AMPD3: variants seen among roughly 807,000 people sequenced by gnomAD.
AMPD3 encodes the protein adenosine monophosphate deaminase 3, also known as AMP deaminase 3.
AMPD3 carries 57 observed loss-of-function variants against 82.3 expected under a neutral mutation model. That is an observed-to-expected ratio of 0.69 (90% CI 0.56 to 0.86). The LOEUF is 0.86. AMPD3 is among the 40% of genes least tolerant of loss of function. The pLI is 0.00. For missense variants in AMPD3, 870 were observed against 1,003.8 expected (o/e 0.87, Z 1.80); for synonymous variants, 381 against 394.7 (o/e 0.97, Z 0.41).
intron 3 of AMPD3, chr11:10,481,832 C>G (rs1260709827): frequency 5.1e-6 from 3 of 585,252 alleles, no homozygotes; most frequent in Non-Finnish European, 9.2e-6. Flanking sequence ...CATAGCACAT[C>G]TCAAATTCCA....
chr11:10,472,042 C>A (rs1205670213), intron 2 of AMPD3, among the ~76,000 whole-genome samples: 3 of 152,172 alleles, frequency 2.0e-5, no homozygotes, highest in Non-Finnish European at 4.4e-5. Flanking sequence ...TTGGAACCCA[C>A]CCAAATGTCC....
At position 10,467,685 on chromosome 11, in the gene AMPD3, C is replaced by T. The variant is rs182971864; in HGVS notation, c.221+5945C>T. Among the ~76,000 whole-genome samples, 63 of 152,168 alleles carry T rather than the reference C, an allele frequency of 4.1e-4. No individual in the cohort carries two copies. The East Asian group carries it at 0.011, about 26-fold the overall frequency. On this transcript the variant is annotated intron_variant, in intron 2 of 14. Transcript: ENST00000396553. ...CAGAGAACACCACAAAGATATTCCTCGAGAAGAGCAACCCCAAGACACATA... is the reference window on the plus strand; with the variant it reads ...CAGAGAACACCACAAAGATATTCCTTGAGAAGAGCAACCCCAAGACACATA...
chr11:10,466,999 A>G (rs1411520670), intron 2 of AMPD3, among the ~76,000 whole-genome samples: 1 of 151,982 alleles, frequency 6.6e-6, no homozygotes, highest in Non-Finnish European at 1.5e-5. Context: ...ATCAGAGACC[A>G]CATCCGAAAA....
intron 2 of AMPD3, among the ~76,000 whole-genome samples, chr11:10,474,300 T>G (rs1405767503): frequency 6.6e-6 from 1 of 152,056 alleles, no homozygotes; most frequent in Admixed American, 6.6e-5. Context: ...GAGAGCCTGG[T>G]GAAAGGTTGG....
In AMPD3 at chr11:10,493,504, C is replaced by T; in HGVS notation, c.1095C>T (p.Asp365=). Residue 365 remains aspartate (D), a synonymous_variant, in exon 7 of 15, where the codon GAC becomes GAT. Transcript: ENST00000396553. ...LRQVFDGLHM[D]PYDLTVDSLD... Reference sequence around the variant, plus strand: ...AGGTGTTTGACGGCCTGCACATGGACCCCTACGACCTCACTGTGGACTCAC... The same window carrying T: ...AGGTGTTTGACGGCCTGCACATGGATCCCTACGACCTCACTGTGGACTCAC... The T allele has an allele frequency of 6.2e-7, 1 of 1,614,178 alleles. No individual in the cohort carries two copies. The highest frequency in any genetic ancestry group is 8.5e-7 in the Non-Finnish European group (1 of 1,180,026).
intron 4 of AMPD3, chr11:10,484,599 G>T: frequency 1.3e-6 from 1 of 771,174 alleles, no homozygotes; most frequent in Middle Eastern, 6.6e-4. Flanking sequence ...GTTTCTATTG[G>T]AGTGGAGAAG....
At chr11:10,482,886 G>C (rs1286994797) in intron 4 of AMPD3, among the ~76,000 whole-genome samples, 1 of 152,178 alleles carries the variant, frequency 6.6e-6, no homozygotes, top group Non-Finnish European at 1.5e-5. Context: ...TGGTAGGGTG[G>C]ATCGGGGTGG....
At chr11:10,486,446 G>A (rs572439700) in intron 5 of AMPD3, 1 of 531,310 alleles carries the variant, frequency 1.9e-6, no homozygotes, top group Admixed American at 6.4e-5. Context: ...GCTGTGTGTG[G>A]GCTGGCAGTT....
rs981298581 is a variant in AMPD3, at chr11:10,502,976, A to G, written c.2016+82A>G. On this transcript the variant is annotated intron_variant, in intron 13 of 14. Transcript: ENST00000396553. ...CCTCCCATTTCAGGAACCTGAGCCC[A>G]TGGCTTAGTTCTGCTTTTGGGGTGG... 7 of 1,510,686 alleles carry G rather than the reference A, an allele frequency of 4.6e-6. No individual in the cohort carries two copies. The Admixed American group carries it at 1.0e-4, about 23-fold the overall frequency. The allele number at this position is 1,510,686 out of a possible 1,614,324, so 93.6% of individuals were successfully genotyped here. A position where few individuals can be genotyped will look rare whatever the true frequency, so the allele number is the denominator to read the frequency against.
At chr11:10,472,743 C>G (rs1848630759) in intron 2 of AMPD3, among the ~76,000 whole-genome samples, 1 of 152,168 alleles carries the variant, frequency 6.6e-6, no homozygotes, top group Admixed American at 6.5e-5. Context: ...GTGGCTCACA[C>G]CTGTAATCCC....
At chr11:10,486,232 C>T (rs1849065555) in intron 5 of AMPD3, among the ~76,000 whole-genome samples, 1 of 152,164 alleles carries the variant, frequency 6.6e-6, no homozygotes, top group African/African-American at 2.4e-5. Flanking sequence ...TGAGGCTGTC[C>T]TGTGCTCCGT....
intron 2 of AMPD3, among the ~76,000 whole-genome samples, chr11:10,476,668 G>C (rs12290824): frequency 6.6e-6 from 1 of 152,176 alleles, no homozygotes; most frequent in South Asian, 2.1e-4. Context: ...AATCTCATGC[G>C]TCCCAGCTGA....
chr11:10,494,816 G>A lies in AMPD3; in HGVS notation c.1135-83G>A, dbSNP rs1360387179. Reference sequence around the variant, plus strand: ...TGTCTTTCGGTGTGGCCATACAGAAGGCCGCCTCGTAAAGGTCTAGAGAGG... The same window carrying A: ...TGTCTTTCGGTGTGGCCATACAGAAAGCCGCCTCGTAAAGGTCTAGAGAGG... On this transcript the variant is annotated intron_variant, in intron 7 of 14. Coordinates refer to ENST00000396553, the MANE Select transcript of AMPD3 (RefSeq NM_001025389.2). The A allele has an allele frequency of 4.4e-6, 7 of 1,582,224 alleles. No homozygotes were observed. In the East Asian group the frequency reaches 1.6e-4, roughly 35 times the overall value.
intron 1 of AMPD3, chr11:10,455,980 A>G (rs1055418940): frequency 1.0e-5 from 10 of 985,342 alleles, no homozygotes; most frequent in Non-Finnish European, 1.2e-5. Flanking sequence ...TGGGCGTTAG[A>G]GGGAGGCTGT....
rs1848096642 is a variant in AMPD3, at chr11:10,456,429, A to G, written c.-6+981A>G. On this transcript the variant is annotated intron_variant, in intron 1 of 14. Transcript: ENST00000396553. This position sits in a 1 kb window ranked among gnomAD's most constrained non-coding sequence, Gnocchi z 4.3. ...TCTGTGTCGGGGCTTCTGCAAGGGG[A>G]GTCTGGCAAGAGTAGGAACCAGCTT... is the stretch of plus-strand genomic sequence containing the variant. The G allele has an allele frequency of 6.2e-7, 1 of 1,613,700 alleles. No individual in the cohort carries two copies. The highest frequency in any genetic ancestry group is 1.1e-5 in the South Asian group (1 of 91,070).
intron 1 of AMPD3, 143 bp downstream of exon 1, chr11:10,455,591 A>G (rs1055618936): frequency 1.4e-5 from 5 of 352,806 alleles, no homozygotes; most frequent in African/African-American, 1.1e-4. Context: ...TTCTGGGAAG[A>G]AAGGAAGGAG....
At position 10,493,421 on chromosome 11, in the gene AMPD3, C is replaced by G. The variant is rs1849297951; in HGVS notation, c.1012C>G (p.Gln338Glu). The change falls in exon 7 of 15, where the codon CAG (glutamine) becomes GAG (glutamate). Residue 338 changes from glutamine to glutamate, a missense_variant. Gln to Glu is a conservative substitution (Grantham distance 29, BLOSUM62 2). Coordinates refer to ENST00000396553, the MANE Select transcript of AMPD3 (RefSeq NM_001025389.2). ...HLLRFIKHTYQTEPDRTVAEK... is the reference protein window; with the variant it reads ...HLLRFIKHTYETEPDRTVAEK... ...GCTGCGCTTCATCAAGCACACATAC[C>G]AGACGGAGCCTGACAGGACTGTGGC... The G allele has an allele frequency of 6.2e-7, 1 of 1,614,118 alleles. No individual in the cohort carries two copies. Among genetic ancestry groups the G allele is most frequent in the African/African-American group, 1.3e-5 (1 of 74,938 alleles).
intron 4 of AMPD3, among the ~76,000 whole-genome samples, chr11:10,483,080 G>A (rs1249012716): frequency 1.3e-5 from 2 of 152,186 alleles, no homozygotes; most frequent in African/African-American, 2.4e-5. Flanking sequence ...CAGGGCTGTC[G>A]TGAGGATTAA....
chr11:10,499,185 A>C (rs1231236415), intron 10 of AMPD3: 1 of 152,438 alleles, frequency 6.6e-6, no homozygotes, highest in Non-Finnish European at 1.5e-5. Flanking sequence ...CGCCCCAAAG[A>C]GTGCAGACCC....
Sources: gnomAD v4.1 joint callset for allele counts (sites outside exome capture counted in the v4.1 genomes callset) on GRCh38, gnomAD v4.1.1 for gene constraint, Gnocchi (gnomAD v3.1) non-coding constraint, MANE v1.5 for transcripts, NCBI Gene and HGNC (gene_info 2026-07-23, HGNC 2026-07-21) for gene names.